TDRD12: variants seen among roughly 807,000 people sequenced by gnomAD.
The protein encoded by TDRD12 is tudor domain containing 12.
In TDRD12, 158 loss-of-function variants were observed where a neutral mutation model predicts 133.5. That is an observed-to-expected ratio of 1.18 (90% CI 1.04 to 1.35). The LOEUF is 1.35. Ranked by LOEUF, TDRD12 falls within the 40% of genes most tolerant of loss-of-function variation. The pLI, the probability that TDRD12 is intolerant of heterozygous loss-of-function variation, is 0.00. For synonymous variants in TDRD12, 460 were observed against 477.9 expected, an observed-to-expected ratio of 0.96 and a Z score of 0.49; for missense variants, 1,443 against 1,321.3, an observed-to-expected ratio of 1.09 and a Z score of -1.43.
At chr19:32,799,736 T>TTC (rs1371569196) in intron 16 of TDRD12, among the ~76,000 whole-genome samples, 3 of 141,806 alleles carry the variant, frequency 2.1e-5, no homozygotes, top group African/African-American at 7.9e-5. Context: ...GCCTTTTTTT[T>TTC]TTTTTTTTTT....
At chr19:32,735,992 G>C (rs1243311739) in intron 2 of TDRD12, among the ~76,000 whole-genome samples, 1 of 152,046 alleles carries the variant, frequency 6.6e-6, no homozygotes, top group African/African-American at 2.4e-5. Context: ...GGAGAAGTCG[G>C]TGTCTTTAAA....
intron 11 of TDRD12, among the ~76,000 whole-genome samples, chr19:32,783,409 C>T (rs1055863433): frequency 6.6e-6 from 1 of 152,154 alleles, no homozygotes; most frequent in African/African-American, 2.4e-5. Context: ...ATGCCTCCAG[C>T]TTTGTTCTTC....
chr19:32,825,737 C>T (rs563217652), downstream of TDRD12, among the ~76,000 whole-genome samples: 11 of 152,158 alleles, frequency 7.2e-5, no homozygotes, highest in Middle Eastern at 0.014. The surrounding 1 kb of genome is among the most constrained non-coding windows in gnomAD (Gnocchi z 4.1). Flanking sequence ...CAATATTAGC[C>T]GAGTGTGGTG....
chr19:32,812,570 T>G (rs1967044066), intron 24 of TDRD12, among the ~76,000 whole-genome samples: 1 of 152,230 alleles, frequency 6.6e-6, no homozygotes, highest in Non-Finnish European at 1.5e-5. Flanking sequence ...ATTCCTTCTT[T>G]GTAATGACTG....
chr19:32,826,558 AAGAG>A lies in TDRD12; in HGVS notation c.1013_1016del (p.Arg339GlyfsTer15). ...GATGAACCTGTAATCACTCTGGCCA[AAGAG>A]AGAAGGGAGGCATGGTGTCACCTAC... On this transcript the variant is annotated frameshift_variant, in exon 9 of 10. Coordinates refer to the TDRD12 transcript ENST00000637289. LOFTEE classifies it low-confidence loss of function (END_TRUNC). 1 of 1,241,520 alleles carries A rather than the reference AAGAG, an allele frequency of 8.1e-7. No homozygotes were observed. Among genetic ancestry groups the A allele is most frequent in the Non-Finnish European group, 1.0e-6 (1 of 993,396 alleles). 76.9% of individuals were successfully genotyped at this position (1,241,520 alleles called of 1,614,324 possible).
chr19:32,781,420 T>TTG, intron 11 of TDRD12, among the ~76,000 whole-genome samples: 1 of 152,352 alleles, frequency 6.6e-6, no homozygotes, highest in East Asian at 1.9e-4. Flanking sequence ...CTTTCTTGAA[T>TTG]TGAATCTCCT....
At chr19:32,721,317 A>G (rs1446414683) in intron 1 of TDRD12, among the ~76,000 whole-genome samples, 1 of 152,194 alleles carries the variant, frequency 6.6e-6, no homozygotes, top group Non-Finnish European at 1.5e-5. Flanking sequence ...TACTTTGAAA[A>G]TCACACTTCA....
At chr19:32,819,036 G>A (rs1638982498) in intron 27 of TDRD12, among the ~76,000 whole-genome samples, 1 of 152,108 alleles carries the variant, frequency 6.6e-6, no homozygotes, top group South Asian at 2.1e-4. Context: ...AATAATGTGG[G>A]CCAGGCTTGG....
chr19:32,732,010 A>T, intron 2 of TDRD12, 127 bp downstream of exon 2: 1 of 994,704 alleles, frequency 1.0e-6, no homozygotes, highest in Non-Finnish European at 1.4e-6. Context: ...GCCTTGTGTT[A>T]GGTTTTTTTT....
chr19:32,775,203 T>C (rs1165350116), intron 10 of TDRD12, among the ~76,000 whole-genome samples: 1 of 152,316 alleles, frequency 6.6e-6, no homozygotes, highest in Middle Eastern at 3.4e-3. Flanking sequence ...TGAGGCTCTG[T>C]TCATTTTTTC....
At chr19:32,803,034 A>G (rs1475836027) in exon 21 of TDRD12, 2 of 1,535,904 alleles carry the variant, frequency 1.3e-6, no homozygotes, top group African/African-American at 1.4e-5. Context: ...GCGGACGCCA[A>G]GGTCCCCGCA....
rs1351337731 is a variant in TDRD12 at position 32,802,154 on chromosome 19, TATATATATGATAATATATATC to T, written c.2197+294_2197+314del. ...CATATATATGATATATATTATCATA[TATATATATGATAATATATATC>T]ATATATATGATAGTGATATATATGA... On this transcript the variant is annotated intron_variant, in intron 19 of 27. Transcript: ENST00000444215. Among the ~76,000 whole-genome samples the T allele has an allele frequency of 2.8e-5, 4 of 143,120 alleles. No individual in the cohort carries two copies. In the East Asian group the frequency reaches 6.1e-4, roughly 22 times the overall value. The allele number at this position is 143,120 out of a possible 152,430, so 93.9% of individuals were successfully genotyped here.
chr19:32,818,543 A>T (rs568717275), intron 27 of TDRD12, among the ~76,000 whole-genome samples: 1 of 152,296 alleles, frequency 6.6e-6, no homozygotes, highest in East Asian at 1.9e-4. Flanking sequence ...GGAGGCTTGG[A>T]CCAGGTGGCT....
At chr19:32,797,125 C>T (rs1971253201) in intron 14 of TDRD12, among the ~76,000 whole-genome samples, 1 of 151,930 alleles carries the variant, frequency 6.6e-6, no homozygotes, top group African/African-American at 2.4e-5. Flanking sequence ...GGACTACAGG[C>T]ACACACTACC....
At chr19:32,781,218 A>C (rs1970756116) in intron 11 of TDRD12, among the ~76,000 whole-genome samples, 1 of 152,176 alleles carries the variant, frequency 6.6e-6, no homozygotes, top group African/African-American at 2.4e-5. Context: ...CTGGGATTAC[A>C]GGCGTGAGCC....
chr19:32,782,226 C>T (rs1970791158), intron 11 of TDRD12, among the ~76,000 whole-genome samples: 1 of 144,658 alleles, frequency 6.9e-6, no homozygotes, highest in South Asian at 2.2e-4. Context: ...GTTTGGTTTT[C>T]TGATCTTGTG....
chr19:32,728,929 A>G (rs71335797), intron 1 of TDRD12, among the ~76,000 whole-genome samples: 50 of 148,168 alleles, frequency 3.4e-4, no homozygotes, highest in South Asian at 2.8e-3. Context: ...TTACAGGCAT[A>G]AGCCACCGTG....
chr19:32,744,008 A>G (rs1406623853), intron 4 of TDRD12, among the ~76,000 whole-genome samples: 1 of 151,290 alleles, frequency 6.6e-6, no homozygotes, highest in Non-Finnish European at 1.5e-5. Context: ...AGCCTGGGCA[A>G]CAAGAGTGAA....
intron 22 of TDRD12, 103 bp from the exon 23 acceptor site, chr19:32,809,990 G>T: frequency 1.4e-6 from 1 of 706,564 alleles, no homozygotes; most frequent in Non-Finnish European, 2.0e-6. Context: ...GCTAAGCTTT[G>T]GTTTCTTAGG....
Sources: allele counts gnomAD v4.1 joint callset (sites outside exome capture counted in the v4.1 genomes callset), GRCh38; gene constraint gnomAD v4.1.1; non-coding constraint Gnocchi (gnomAD v3.1); transcripts MANE v1.5; gene names NCBI Gene and HGNC (gene_info 2026-07-23, HGNC 2026-07-21).